EYS: variants seen among roughly 807,000 people sequenced by gnomAD.
The protein encoded by EYS is EGF-like photoreceptor maintenance factor, also known as protein eyes shut homolog.
EYS carries 250 observed loss-of-function variants against 282.1 expected under a neutral mutation model. The observed-to-expected ratio is 0.89, with a 90% CI of 0.80 to 0.98. EYS has a LOEUF of 0.98. EYS is among the 50% of genes least tolerant of loss of function. The probability of loss-of-function intolerance (pLI) is 0.00; values close to 1 mark genes in which losing one functional copy is unlikely to be tolerated. For missense variants in EYS, 4,016 were observed against 3,709.0 expected (o/e 1.08, Z -2.15); for synonymous variants, 1,355 against 1,282.9 (o/e 1.06, Z -1.20).
In EYS at chr6:64,367,555, C is replaced by A. The variant is rs950547923; in HGVS notation, c.6078+21135G>T. Among the ~76,000 whole-genome samples the A allele has an allele frequency of 1.5e-4, 23 of 150,710 alleles. 1 individual carries two copies. The highest frequency in any genetic ancestry group is 1.3e-3 in the Admixed American group (20 of 15,100). ...GTGTGTCTAAGAGCCACTCCCAGGG[C>A]ATATAGCAAAGTTTCTAAAATAGGA... On this transcript the variant is annotated intron_variant, in intron 29 of 42. Coordinates refer to ENST00000503581, the MANE Select transcript of EYS (RefSeq NM_001142800.2).
At chr6:65,505,647 G>T (rs1333647038) in intron 2 of EYS, among the ~76,000 whole-genome samples, 2 of 151,896 alleles carry the variant, frequency 1.3e-5, no homozygotes, top group African/African-American at 2.4e-5. Context: ...AGACTTCTTT[G>T]ACCAATGTGT....
chr6:64,320,146 T>G (rs80047368), intron 29 of EYS, among the ~76,000 whole-genome samples: 3,543 of 152,094 alleles, frequency 0.023, 110 homozygotes, highest in African/African-American at 0.073. Context: ...TGTCTTCTGC[T>G]TTGCATTGTT....
At chr6:64,481,274 G>GTATATATA (rs61390164) in intron 26 of EYS, among the ~76,000 whole-genome samples, 4 of 140,626 alleles carry the variant, frequency 2.8e-5, no homozygotes, top group Non-Finnish European at 4.7e-5. Flanking sequence ...GTGTGTGTGT[G>GTATATATA]TATATATATA....
chr6:65,188,299 G>C (rs574303425), intron 12 of EYS, among the ~76,000 whole-genome samples: 1 of 151,514 alleles, frequency 6.6e-6, no homozygotes, highest in Non-Finnish European at 1.5e-5. Context: ...AACTATAAAA[G>C]TTAATGGAAA....
chr6:65,490,544 T>A (rs1003589980), intron 5 of EYS, 50 bp downstream of exon 5: 18 of 988,814 alleles, frequency 1.8e-5, no homozygotes, highest in Non-Finnish European at 2.6e-5. Flanking sequence ...AATACATAGA[T>A]AAAATTAAAG....
chr6:65,259,819 T>C (rs1767570298), intron 12 of EYS, among the ~76,000 whole-genome samples: 1 of 151,998 alleles, frequency 6.6e-6, no homozygotes, highest in African/African-American at 2.4e-5. Context: ...TACAGAATAA[T>C]GAAAAATGAC....
chr6:64,949,099 A>G (rs1769393931), intron 14 of EYS, among the ~76,000 whole-genome samples: 1 of 151,972 alleles, frequency 6.6e-6, no homozygotes, highest in Admixed American at 6.6e-5. Flanking sequence ...AGATTAAACA[A>G]TATCTCTGAT....
chr6:65,082,456 T>A (rs965044667), intron 12 of EYS, among the ~76,000 whole-genome samples: 2 of 152,088 alleles, frequency 1.3e-5, no homozygotes, highest in Non-Finnish European at 2.9e-5. Context: ...ATGAGGTAAG[T>A]ACTAAAAGGG....
At chr6:64,024,068 C>T (rs1290104171) in intron 33 of EYS, among the ~76,000 whole-genome samples, 1 of 152,220 alleles carries the variant, frequency 6.6e-6, no homozygotes, top group Non-Finnish European at 1.5e-5. Flanking sequence ...GAGTGCCACC[C>T]CCTGCTCCAC....
At chr6:65,593,413 A>G (rs963097327) in intron 2 of EYS, among the ~76,000 whole-genome samples, 4 of 152,062 alleles carry the variant, frequency 2.6e-5, no homozygotes, top group African/African-American at 9.7e-5. Context: ...GGTGCAAGCT[A>G]AGAGTTGAAA....
intron 13 of EYS, among the ~76,000 whole-genome samples, chr6:65,055,905 T>C (rs545154758): frequency 6.6e-6 from 1 of 152,150 alleles, no homozygotes; most frequent in East Asian, 1.9e-4. Context: ...TGCTCTTCCC[T>C]CCATGACCCC....
chr6:65,306,921 T>C (rs1480948891), intron 11 of EYS, among the ~76,000 whole-genome samples: 1 of 144,526 alleles, frequency 6.9e-6, no homozygotes, highest in African/African-American at 2.5e-5. Flanking sequence ...GCCAGGGAGT[T>C]AAGTTACTTA....
At position 65,477,994 on chromosome 6, in the gene EYS, C is replaced by T. The variant is rs372863258; in HGVS notation, c.862+12600G>A. On this transcript the variant is annotated intron_variant, in intron 5 of 42. Coordinates refer to ENST00000503581, the MANE Select transcript of EYS (RefSeq NM_001142800.2). The stretch of plus-strand genomic sequence containing the variant: ...TTTGAACTTCTTTTAAGATTAAGAA[C>T]ATCCCCACATCTCATATTCTCCTGA... Among the ~76,000 whole-genome samples the T allele has an allele frequency of 7.9e-5, 12 of 152,206 alleles. No homozygotes were observed. The East Asian group carries it at 1.9e-3, about 25-fold the overall frequency.
chr6:64,375,946 G>A (rs1201880248), intron 29 of EYS, among the ~76,000 whole-genome samples: 1 of 152,040 alleles, frequency 6.6e-6, no homozygotes, highest in East Asian at 1.9e-4. Flanking sequence ...GCCTAATGCA[G>A]ACTAAATTTT....
chr6:65,314,754 C>T (rs887263277), intron 11 of EYS, among the ~76,000 whole-genome samples: 1 of 151,914 alleles, frequency 6.6e-6, no homozygotes, highest in Non-Finnish European at 1.5e-5. Context: ...ATGATGGGAA[C>T]ATTTTCAGGA....
Position 65,495,030 on chromosome 6 carries a change from G to A in EYS, c.381C>T (p.Gly127=), listed in dbSNP as rs948258224. ...NTTTEDQLLF[G]CRLKGMHTVN... ...CAGTGTGCATTCCTTTTAGTCTGCAGCCAAAAAGTAACTGATCTTCCGTTG... is the reference window on the plus strand; with the variant it reads ...CAGTGTGCATTCCTTTTAGTCTGCAACCAAAAAGTAACTGATCTTCCGTTG... Residue 127 remains glycine (G), a synonymous_variant, in exon 4 of 43, where the codon GGC becomes GGT. Coordinates refer to ENST00000503581, the MANE Select transcript of EYS (RefSeq NM_001142800.2). 6.2e-7 allele frequency: 1 copy of A among 1,614,210 alleles called. No homozygotes were observed.
At chr6:64,572,481 A>G (rs533325766) in intron 26 of EYS, among the ~76,000 whole-genome samples, 66 of 152,300 alleles carry the variant, frequency 4.3e-4, no homozygotes, top group Non-Finnish European at 7.8e-4. Context: ...CAAATTTGCA[A>G]ATCAAGTCAA....
chr6:65,207,262 C>A (rs1362883570), intron 12 of EYS, among the ~76,000 whole-genome samples: 1 of 151,452 alleles, frequency 6.6e-6, no homozygotes, highest in Non-Finnish European at 1.5e-5. Context: ...AAAACTCAAT[C>A]CTGTTTAAAA....
At chr6:65,354,114 T>A (rs968745413) in intron 8 of EYS, among the ~76,000 whole-genome samples, 2 of 152,136 alleles carry the variant, frequency 1.3e-5, no homozygotes, top group African/African-American at 4.8e-5. Flanking sequence ...ACAAAAATCA[T>A]ATATAGTTAT....
Sources: allele counts gnomAD v4.1 joint callset (sites outside exome capture counted in the v4.1 genomes callset), GRCh38; gene constraint gnomAD v4.1.1; transcripts MANE v1.5; gene names NCBI Gene and HGNC (gene_info 2026-07-23, HGNC 2026-07-21).